Variants in COBLL1 observed in about 807,000 individuals in gnomAD.
COBLL1 encodes the protein cordon-bleu WH2 repeat protein like 1, also known as cordon-bleu protein-like 1.
COBLL1 carries 50 observed loss-of-function variants against 94.8 expected under a neutral mutation model. The observed-to-expected ratio is 0.53, with a 90% CI of 0.42 to 0.67. The LOEUF (loss-of-function observed/expected upper bound fraction) is 0.67. Ranked by LOEUF, COBLL1 falls within the 30% of genes least tolerant of loss-of-function variation. The pLI, the probability that COBLL1 is intolerant of heterozygous loss-of-function variation, is 0.00. For synonymous variants in COBLL1, 448 were observed against 473.8 expected, an observed-to-expected ratio of 0.95 and a Z score of 0.71; for missense variants, 1,362 against 1,348.7, an observed-to-expected ratio of 1.01 and a Z score of -0.15.
At chr2:164,735,510 G>A (rs1026963627) in intron 3 of COBLL1, among the ~76,000 whole-genome samples, 33 of 152,128 alleles carry the variant, frequency 2.2e-4, no homozygotes, top group African/African-American at 8.0e-4. Context: ...AGCTGACCCT[G>A]ACCACAAGAT....
At chr2:164,664,622 G>A (rs1349146970) in intron 2 of COBLL1, among the ~76,000 whole-genome samples, 2 of 152,118 alleles carry the variant, frequency 1.3e-5, no homozygotes, top group Non-Finnish European at 2.9e-5. Flanking sequence ...CTATTCAACC[G>A]TAAGACTAAA....
intron 13 of COBLL1, among the ~76,000 whole-genome samples, chr2:164,691,172 A>G (rs895783270): frequency 1.3e-5 from 2 of 152,056 alleles, no homozygotes; most frequent in Admixed American, 6.6e-5. Flanking sequence ...AATGGCTGTC[A>G]CTCATACCTC....
intron 2 of COBLL1, among the ~76,000 whole-genome samples, chr2:164,827,247 C>G (rs1685481182): frequency 6.6e-6 from 1 of 152,108 alleles, no homozygotes; most frequent in Non-Finnish European, 1.5e-5. Flanking sequence ...TCATGCCCGG[C>G]CCATTTCTTT....
At chr2:164,837,472 A>T in intron 2 of COBLL1, 1 of 466,734 alleles carries the variant, frequency 2.1e-6, no homozygotes, top group South Asian at 1.6e-5. Context: ...TCAATTTTCC[A>T]ACCAGTGTCT....
intron 1 of COBLL1, among the ~76,000 whole-genome samples, chr2:164,670,105 CTGAG>C (rs1465634176): frequency 2.6e-5 from 4 of 152,168 alleles, no homozygotes; most frequent in Non-Finnish European, 4.4e-5. Context: ...ACATTCAGTA[CTGAG>C]TGTTTTATAT....
intron 11 of COBLL1, 25 bp downstream of exon 11, chr2:164,699,380 T>C: frequency 7.1e-7 from 1 of 1,406,196 alleles, no homozygotes; most frequent in Non-Finnish European, 1.0e-6. Context: ...TAAGAAAGTG[T>C]TGGCTATTAA....
intron 2 of COBLL1, among the ~76,000 whole-genome samples, chr2:164,815,837 G>T (rs928700977): frequency 6.6e-6 from 1 of 151,984 alleles, no homozygotes; most frequent in Admixed American, 6.6e-5. Context: ...GAAAGGGAAG[G>T]GGTTAGAAAA....
At chr2:164,702,183 A>G (rs928557299) in intron 9 of COBLL1, among the ~76,000 whole-genome samples, 1 of 152,142 alleles carries the variant, frequency 6.6e-6, no homozygotes, top group African/African-American at 2.4e-5. Context: ...ATATTTTGGC[A>G]AATGATGCTT....
Position 164,697,429 on chromosome 2 carries a change from A to G in COBLL1, c.1556-1593T>C, listed in dbSNP as rs547235937. ...CCTCTGCTCTCAATTTACTTGGTTC[A>G]TAAGTATTTTTCAATGTTCATATGA... On this transcript the variant is annotated intron_variant, in intron 11 of 13. Transcript: ENST00000652658. The G allele has an allele frequency of 4.1e-4, 63 of 152,284 alleles. 1 individual carries two copies. Among genetic ancestry groups the G allele is most frequent in the African/African-American group, 1.5e-3 (61 of 41,588 alleles). The allele number at this position is 152,284 out of a possible 1,614,324, so 9.4% of individuals were successfully genotyped here.
intron 1 of COBLL1, among the ~76,000 whole-genome samples, chr2:164,673,896 T>C (rs1175281827): frequency 6.6e-6 from 1 of 152,198 alleles, no homozygotes; most frequent in African/African-American, 2.4e-5. Flanking sequence ...GAGAGAATTC[T>C]ACAATTACAT....
chr2:164,711,479 T>C (rs1289329637), intron 7 of COBLL1, among the ~76,000 whole-genome samples: 1 of 152,210 alleles, frequency 6.6e-6, no homozygotes, highest in Non-Finnish European at 1.5e-5. Context: ...CAGGAACCAA[T>C]GCTTAGTCTA....
chr2:164,816,510 A>T (rs529275257), intron 2 of COBLL1, among the ~76,000 whole-genome samples: 2 of 152,202 alleles, frequency 1.3e-5, no homozygotes, highest in African/African-American at 2.4e-5. Flanking sequence ...CCTGCAGTGT[A>T]TTAAGTTTTT....
intron 2 of COBLL1, among the ~76,000 whole-genome samples, chr2:164,799,019 CA>C (rs555113117): frequency 9.6e-4 from 67 of 69,830 alleles, no homozygotes; most frequent in East Asian, 3.5e-3. Flanking sequence ...GACTCCGTCT[CA>C]AAAAAAAAAA....
intron 2 of COBLL1, among the ~76,000 whole-genome samples, chr2:164,822,732 TTA>T (rs201476408): frequency 7.9e-3 from 608 of 77,426 alleles, no homozygotes; most frequent in African/African-American, 0.015. Context: ...AAAGATTATA[TTA>T]TATTATTATT....
At chr2:164,708,290 T>A (rs1448170454) in intron 7 of COBLL1, among the ~76,000 whole-genome samples, 2 of 151,950 alleles carry the variant, frequency 1.3e-5, no homozygotes, top group Non-Finnish European at 2.9e-5. Context: ...CCACCCAAAC[T>A]CAGATTCTGT....
At chr2:164,761,810 T>C (rs1687697338) in intron 2 of COBLL1, among the ~76,000 whole-genome samples, 2 of 152,140 alleles carry the variant, frequency 1.3e-5, no homozygotes, top group Admixed American at 1.3e-4. Flanking sequence ...TCACTCAAAT[T>C]CTCTCCTAAC....
rs543361363 is a variant in COBLL1, at chr2:164,777,743, T to C, written c.42-33868A>G. The stretch of plus-strand genomic sequence containing the variant: ...TCACTGAGGCACAATAGAAATGAAA[T>C]GGATCAAGTGTAAAAGAAACTGGCA... On this transcript the variant is annotated intron_variant, in intron 2 of 13. Transcript: ENST00000652658. Among the ~76,000 whole-genome samples the C allele has an allele frequency of 2.6e-5, 4 of 152,114 alleles. No homozygotes were observed. The East Asian group carries it at 7.7e-4, about 29-fold the overall frequency.
Position 164,722,382 on chromosome 2 carries a change from T to C in COBLL1, c.759+43A>G, listed in dbSNP as rs1685493890. 7.3e-6 allele frequency: 11 copies of C among 1,503,008 alleles called. No homozygotes were observed. In the Admixed American group the frequency reaches 1.0e-4, roughly 14 times the overall value. The allele number at this position is 1,503,008 out of a possible 1,614,324, so 93.1% of individuals were successfully genotyped here. On this transcript the variant is annotated intron_variant, in intron 6 of 13. Transcript: ENST00000652658. ...AGTAAAAAGCATTAGTAATTAAAAA[T>C]AATTGAAGAATCTTACAAAATGCAA... is the stretch of plus-strand genomic sequence containing the variant.
chr2:164,741,572 T>C (rs1056633032), intron 3 of COBLL1, among the ~76,000 whole-genome samples: 3 of 150,966 alleles, frequency 2.0e-5, no homozygotes, highest in Non-Finnish European at 4.4e-5. Context: ...CAAGCCCTGA[T>C]AGTATTTCAT....
Sources: gnomAD v4.1 joint callset for allele counts (sites outside exome capture counted in the v4.1 genomes callset) on GRCh38, gnomAD v4.1.1 for gene constraint, MANE v1.5 for transcripts, NCBI Gene and HGNC (gene_info 2026-07-23, HGNC 2026-07-21) for gene names.